RLF: variants seen among roughly 807,000 people sequenced by gnomAD.
RLF encodes the protein zinc finger protein Rlf.
In RLF, 7 loss-of-function variants were observed where a neutral mutation model predicts 162.9. That is an observed-to-expected ratio of 0.04 (90% CI 0.02 to 0.08). RLF has a LOEUF of 0.08. Ranked by LOEUF, RLF falls within the 10% of genes least tolerant of loss-of-function variation. The pLI is 1.00. For missense variants in RLF, 1,664 were observed against 2,244.7 expected, an observed-to-expected ratio of 0.74 and a Z score of 5.23; for synonymous variants, 782 against 791.5, an observed-to-expected ratio of 0.99 and a Z score of 0.20.
chr1:40,237,009 G>A lies in RLF; in HGVS notation c.2307G>A (p.Leu769=), dbSNP rs1411057323. 6 of 1,614,112 alleles carry A rather than the reference G, an allele frequency of 3.7e-6. No individual in the cohort carries two copies. The African/African-American group carries it at 5.3e-5, about 14-fold the overall frequency. The change falls in exon 8 of 8, where the codon CTG becomes CTA. Residue 769 remains leucine (L), a synonymous_variant. Transcript: ENST00000372771. The surrounding 1 kb of genome is among the most constrained non-coding windows in gnomAD (Gnocchi z 4.4). ...LLNHKQKHDD[L]RYKCELNGCN... ...ACCATAAACAAAAGCATGACGATCT[G>A]CGTTACAAATGTGAATTAAATGGCT...
intron 1 of RLF, among the ~76,000 whole-genome samples, chr1:40,188,137 G>T (rs1642506714): frequency 6.6e-6 from 1 of 152,164 alleles, no homozygotes; most frequent in Non-Finnish European, 1.5e-5. Flanking sequence ...AACCTAATCA[G>T]TTGTCAGAAG....
At chr1:40,168,833 A>C (rs1347704498) in intron 1 of RLF, among the ~76,000 whole-genome samples, 6 of 151,836 alleles carry the variant, frequency 4.0e-5, no homozygotes, top group Non-Finnish European at 5.9e-5. Flanking sequence ...CTCTACTAAA[A>C]ATACAAAAAA....
At chr1:40,198,046 C>G (rs2124539993) in intron 4 of RLF, among the ~76,000 whole-genome samples, 1 of 152,130 alleles carries the variant, frequency 6.6e-6, no homozygotes, top group South Asian at 2.1e-4. Context: ...TCTTATTACT[C>G]AGGCTGGAGT....
intron 5 of RLF, among the ~76,000 whole-genome samples, chr1:40,220,731 G>A (rs1395237080): frequency 1.3e-5 from 2 of 152,094 alleles, no homozygotes; most frequent in African/African-American, 4.8e-5. Context: ...TTTTCTTACA[G>A]GATTTTGTTT....
chr1:40,206,511 A>G (rs1188662209), intron 5 of RLF, among the ~76,000 whole-genome samples: 1 of 152,220 alleles, frequency 6.6e-6, no homozygotes, highest in Non-Finnish European at 1.5e-5. Flanking sequence ...GGACTGGCAT[A>G]CTTGGTTTTA....
rs368404951 is a variant in RLF, at chr1:40,237,502, G to C, written c.2800G>C (p.Gly934Arg). Reference protein sequence around the residue: ...DVLLSNEKVFGPSSLKEKCSS... With the variant: ...DVLLSNEKVFRPSSLKEKCSS... ...ATTGTTATCTAATGAGAAAGTCTTT[G>C]GGCCCTCCAGTTTAAAAGAAAAATG... The change falls in exon 8 of 8, where the codon GGG becomes CGG. Residue 934 changes from glycine (G) to arginine (R), a missense_variant. Gly to Arg is a moderately radical substitution (Grantham distance 125, BLOSUM62 -2). Around this residue, in one of 15 missense-constraint regions of RLF, gnomAD observed 295 missense variants for 317.4 expected, o/e 0.93. Transcript: ENST00000372771. The surrounding 1 kb of genome is among the most constrained non-coding windows in gnomAD (Gnocchi z 4.4). The C allele has an allele frequency of 1.5e-4, 250 of 1,613,940 alleles. No homozygotes were observed. In the South Asian group the frequency reaches 2.6e-3, roughly 17 times the overall value.
Position 40,182,382 on chromosome 1 carries a change from G to A in RLF, c.238-6673G>A, listed in dbSNP as rs1184846371. ...CTGGGAGGGGGAGGTTGCAGTGAGCGCAGATTGCGCCACTGCACTCCAGCC... is the reference window on the plus strand; with the variant it reads ...CTGGGAGGGGGAGGTTGCAGTGAGCACAGATTGCGCCACTGCACTCCAGCC... On this transcript the variant is annotated intron_variant, in intron 1 of 7. Coordinates refer to ENST00000372771, the MANE Select transcript of RLF (RefSeq NM_012421.4). Among the ~76,000 whole-genome samples the A allele has an allele frequency of 3.9e-5, 6 of 151,982 alleles. No individual in the cohort carries two copies. The East Asian group carries it at 7.7e-4, about 20-fold the overall frequency.
In RLF at chr1:40,182,753, G is replaced by GTAGGTAGGTAGACAGATAGA. The variant is rs144667492; in HGVS notation, c.238-6299_238-6298insGTAGGTAGACAGATAGATAG. ...GAAAAAAGTATAGACAGATAGATAG[G>GTAGGTAGGTAGACAGATAGA]TAGATAGATAGATAGATAGATAGAT... On this transcript the variant is annotated intron_variant, in intron 1 of 7. Transcript: ENST00000372771. Among the ~76,000 whole-genome samples the GTAGGTAGGTAGACAGATAGA allele has an allele frequency of 2.2e-3, 331 of 148,874 alleles. 8 individuals are homozygous for GTAGGTAGGTAGACAGATAGA. Among genetic ancestry groups the GTAGGTAGGTAGACAGATAGA allele is most frequent in the East Asian group, 0.021 (106 of 4,980 alleles).
At chr1:40,166,187 C>T (rs559814768) in intron 1 of RLF, among the ~76,000 whole-genome samples, 1 of 152,100 alleles carries the variant, frequency 6.6e-6, no homozygotes, top group African/African-American at 2.4e-5. Context: ...TACTTAGTAC[C>T]TAGCAATTAG....
rs71577617 is a variant in RLF at position 40,225,878 on chromosome 1, C to CAA, written c.947+3193_947+3194dup. Among the ~76,000 whole-genome samples the CAA allele has an allele frequency of 5.0e-3, 74 of 14,776 alleles. 4 individuals carry two copies. The highest frequency in any genetic ancestry group is 0.018 in the East Asian group (8 of 440). 9.7% of individuals were successfully genotyped at this position (14,776 alleles called of 152,430 possible). A position where few individuals can be genotyped will look rare whatever the true frequency, so the allele number is the denominator to read the frequency against. On this transcript the variant is annotated intron_variant, in intron 6 of 7. Coordinates refer to ENST00000372771, the MANE Select transcript of RLF (RefSeq NM_012421.4). ...TGGGTGACAGAGCGAGACTCCGTCGCAAAAAAAAAAAAAAAAAAAAAAAAA... is the reference window on the plus strand; with the variant it reads ...TGGGTGACAGAGCGAGACTCCGTCGCAAAAAAAAAAAAAAAAAAAAAAAAAAA...
Position 40,239,451 on chromosome 1 carries a change from A to G in RLF, c.4749A>G (p.Gln1583=), listed in dbSNP as rs1182418846. Residue 1583 remains glutamine, a synonymous_variant, in exon 8 of 8, where the codon CAA becomes CAG. Coordinates refer to ENST00000372771, the MANE Select transcript of RLF (RefSeq NM_012421.4). ...AGATGAGTAGTGCCTATTTAGAGCA[A>G]CAGATGGAGAATCTTGTTGTTTGCG... is the stretch of plus-strand genomic sequence containing the variant. ...THQMSSAYLE[Q]QMENLVVCVK... 6.2e-7 allele frequency: 1 copy of G among 1,614,014 alleles called. No homozygotes were observed. The highest frequency in any genetic ancestry group is 8.5e-7 in the Non-Finnish European group (1 of 1,180,030).
At chr1:40,210,566 T>A (rs1360006265) in intron 5 of RLF, among the ~76,000 whole-genome samples, 1 of 152,158 alleles carries the variant, frequency 6.6e-6, no homozygotes, top group African/African-American at 2.4e-5. Flanking sequence ...ATGGTTAGAT[T>A]TGATGCAGTA....
intron 5 of RLF, among the ~76,000 whole-genome samples, chr1:40,209,861 G>A (rs1642844351): frequency 6.6e-6 from 1 of 150,486 alleles, no homozygotes; most frequent in Non-Finnish European, 1.5e-5. Flanking sequence ...TGGGGCGACA[G>A]GGCGAGACTC....
chr1:40,206,534 A>T (rs899769917), intron 5 of RLF, among the ~76,000 whole-genome samples: 1 of 152,234 alleles, frequency 6.6e-6, no homozygotes, highest in African/African-American at 2.4e-5. Context: ...GTTGGCCTCT[A>T]CATTTTATCT....
Position 40,240,481 on chromosome 1 carries a change from A to C in RLF, c.*34A>C, listed in dbSNP as rs1166012258. 1 of 1,461,498 alleles carries C rather than the reference A, an allele frequency of 6.8e-7. No homozygotes were observed. The highest frequency in any genetic ancestry group is 1.8e-5 in the Admixed American group (1 of 55,370). 90.5% of individuals were successfully genotyped at this position (1,461,498 alleles called of 1,614,324 possible). A position where few individuals can be genotyped will look rare whatever the true frequency, so the allele number is the denominator to read the frequency against. ...TTTGTTTTAGTAACAGACTGGCTCC[A>C]ACACTGCAACATGGGGACATTTGCC... On this transcript the variant is annotated 3_prime_UTR_variant, in exon 8 of 8. Coordinates refer to ENST00000372771, the MANE Select transcript of RLF (RefSeq NM_012421.4).
At chr1:40,202,353 G>A in intron 4 of RLF, 59 bp from the exon 5 acceptor site, 1 of 1,086,800 alleles carries the variant, frequency 9.2e-7, no homozygotes, top group South Asian at 1.6e-5. Flanking sequence ...TTTCATCTTA[G>A]CAAGTCTGAC....
At chr1:40,222,219 A>C (rs755546476) in intron 5 of RLF, among the ~76,000 whole-genome samples, 1 of 152,150 alleles carries the variant, frequency 6.6e-6, no homozygotes, top group Non-Finnish European at 1.5e-5. Flanking sequence ...GTGGTCATAG[A>C]TACTAGGGGA....
intron 5 of RLF, among the ~76,000 whole-genome samples, chr1:40,212,008 GA>G (rs2124547944): frequency 6.6e-6 from 1 of 152,340 alleles, no homozygotes; most frequent in South Asian, 2.1e-4. Flanking sequence ...GTTTGCTTTG[GA>G]AAATTACTAG....
chr1:40,213,268 T>G (rs2124548541), intron 5 of RLF, among the ~76,000 whole-genome samples: 1 of 152,316 alleles, frequency 6.6e-6, no homozygotes, highest in East Asian at 1.9e-4. Context: ...GATCTTACTT[T>G]CATGGGTTAT....
Sources: gnomAD v4.1 joint callset for allele counts (sites outside exome capture counted in the v4.1 genomes callset) on GRCh38, gnomAD v4.1.1 for gene constraint, gnomAD v4.1.1 regional missense constraint, Gnocchi (gnomAD v3.1) non-coding constraint, MANE v1.5 for transcripts, NCBI Gene and HGNC (gene_info 2026-07-23, HGNC 2026-07-21) for gene names.